APBB1IP: variants seen among roughly 807,000 people sequenced by gnomAD.
The protein encoded by APBB1IP is amyloid beta precursor protein binding family B member 1 interacting protein.
In APBB1IP, 27 loss-of-function variants were observed where a neutral mutation model predicts 64.9. The ratio of observed to expected loss-of-function variants is 0.42; its 90% confidence interval spans 0.31 to 0.57. The LOEUF is 0.57. APBB1IP is among the 20% of genes least tolerant of loss of function. The probability of loss-of-function intolerance (pLI) is 0.20; values close to 1 mark genes in which losing one functional copy is unlikely to be tolerated. For missense variants in APBB1IP, 812 were observed against 845.5 expected (o/e 0.96, Z 0.49); for synonymous variants, 392 against 331.0 (o/e 1.18, Z -2.00).
intron 2 of APBB1IP, among the ~76,000 whole-genome samples, chr10:26,464,429 C>T (rs3006833): frequency 0.24 from 37,156 of 152,068 alleles, 4,864 homozygotes; most frequent in East Asian, 0.49. Context: ...GAGACAAGGT[C>T]CCACTCTGTT....
At chr10:26,460,212 T>C (rs142830421) in intron 2 of APBB1IP, among the ~76,000 whole-genome samples, 3,793 of 152,344 alleles carry the variant, frequency 0.025, 74 homozygotes, top group Non-Finnish European at 0.04. Flanking sequence ...TTCTTAGGAA[T>C]AATTATCATA....
At chr10:26,543,940 G>A (rs891602409) in intron 11 of APBB1IP, among the ~76,000 whole-genome samples, 5 of 152,160 alleles carry the variant, frequency 3.3e-5, no homozygotes, top group Admixed American at 6.5e-5. Context: ...TCTGCTCCTC[G>A]CCCCTCCTTG....
In APBB1IP at chr10:26,547,945, A is replaced by T. The variant is rs77838829; in HGVS notation, c.1155+6253A>T. Among the ~76,000 whole-genome samples, 901 of 152,090 alleles carry T rather than the reference A, an allele frequency of 5.9e-3. 5 individuals are homozygous for T. The highest frequency in any genetic ancestry group is 9.1e-3 in the Non-Finnish European group (620 of 68,000). On this transcript the variant is annotated intron_variant, in intron 11 of 14. Transcript: ENST00000376236. ...TTTTGTGGGGGACACCTTTGTTGAA[A>T]ATCAGTTGGCTCTAAATGCATTGAT...
intron 8 of APBB1IP, among the ~76,000 whole-genome samples, chr10:26,531,894 T>A (rs940265423): frequency 6.6e-6 from 1 of 152,096 alleles, no homozygotes; most frequent in South Asian, 2.1e-4. Flanking sequence ...TGCAGTGAGC[T>A]ATGATCATGT....
At chr10:26,505,386 A>G (rs538919372) in intron 6 of APBB1IP, among the ~76,000 whole-genome samples, 36 of 152,146 alleles carry the variant, frequency 2.4e-4, no homozygotes, top group South Asian at 4.1e-4. Context: ...TCCACAGTCC[A>G]TCATTGGAAC....
chr10:26,470,396 G>A (rs777870906), intron 2 of APBB1IP, among the ~76,000 whole-genome samples: 27 of 151,988 alleles, frequency 1.8e-4, no homozygotes, highest in South Asian at 1.0e-3. Context: ...AAAATTAGCC[G>A]GATGTGGAGG....
intron 10 of APBB1IP, among the ~76,000 whole-genome samples, chr10:26,537,841 C>T (rs969444051): frequency 2.0e-5 from 3 of 149,052 alleles, no homozygotes; most frequent in South Asian, 2.1e-4. Context: ...GGGTGAGGCA[C>T]GGGAATCACT....
At chr10:26,560,079 A>AT in intron 11 of APBB1IP, 26 bp from the exon 12 acceptor site, 1 of 1,578,406 alleles carries the variant, frequency 6.3e-7, no homozygotes, top group Non-Finnish European at 8.7e-7. Context: ...AAGTGAATAC[A>AT]TTGTCTCGAA....
At position 26,496,310 on chromosome 10, in the gene APBB1IP, G is replaced by A. The variant is rs1336673543; in HGVS notation, c.79G>A (p.Gly27Arg). The change falls in exon 4 of 15, where the codon GGA becomes AGA. Residue 27 changes from glycine to arginine, a missense_variant. Gly to Arg is a moderately radical substitution (Grantham distance 125, BLOSUM62 -2). This residue lies in a region of APBB1IP where 394 missense variants were observed against 413.1 expected (regional missense o/e 0.95). Coordinates refer to ENST00000376236, the MANE Select transcript of APBB1IP (RefSeq NM_019043.4). Reference sequence around the variant, plus strand: ...GGGGGATCTTTTTTCACAGAGTTTAGGAGTTGACACTCTCCCTCCTCCTGA... The same window carrying A: ...GGGGGATCTTTTTTCACAGAGTTTAAGAGTTGACACTCTCCCTCCTCCTGA... Reference protein sequence around the residue: ...GEMDLLTQSLGVDTLPPPDPN... With the variant: ...GEMDLLTQSLRVDTLPPPDPN... The A allele has an allele frequency of 2.5e-6, 4 of 1,611,614 alleles. No individual in the cohort carries two copies. The highest frequency in any genetic ancestry group is 1.1e-5 in the South Asian group (1 of 90,980).
At position 26,461,138 on chromosome 10, in the gene APBB1IP, A is replaced by G. The variant is rs899446891; in HGVS notation, c.-1+22285A>G. 4.6e-5 allele frequency among the ~76,000 whole-genome samples: 7 copies of G among 152,082 alleles called. No homozygotes were observed. In the East Asian group the frequency reaches 1.3e-3, roughly 29 times the overall value. On this transcript the variant is annotated intron_variant, in intron 2 of 14. Coordinates refer to ENST00000376236, the MANE Select transcript of APBB1IP (RefSeq NM_019043.4). Reference sequence around the variant, plus strand: ...GCCAGTCAAAAGTATCTACCACAAAAGTATTATAAAACGAAGGAAGAGAGG... The same window carrying G: ...GCCAGTCAAAAGTATCTACCACAAAGGTATTATAAAACGAAGGAAGAGAGG...
At chr10:26,526,906 T>C (rs1836482336) in intron 8 of APBB1IP, among the ~76,000 whole-genome samples, 1 of 152,250 alleles carries the variant, frequency 6.6e-6, no homozygotes, top group African/African-American at 2.4e-5. Context: ...ATGATGATTA[T>C]ACTCTACTGG....
chr10:26,492,421 C>T (rs757508743), intron 3 of APBB1IP, 23 bp downstream of exon 3: 1 of 1,607,062 alleles, frequency 6.2e-7, no homozygotes, highest in East Asian at 2.2e-5. Context: ...TTTTAACTGG[C>T]AAATTGGAAA....
At chr10:26,467,667 G>C (rs912204122) in intron 2 of APBB1IP, among the ~76,000 whole-genome samples, 4 of 152,200 alleles carry the variant, frequency 2.6e-5, no homozygotes, top group Admixed American at 2.6e-4. Flanking sequence ...CTGCACTCCA[G>C]CCTGGACAAC....
At chr10:26,444,712 C>T (rs192889563) in intron 2 of APBB1IP, among the ~76,000 whole-genome samples, 8 of 152,118 alleles carry the variant, frequency 5.3e-5, no homozygotes, top group African/African-American at 1.4e-4. Context: ...AGCAGGGTAA[C>T]CATTTGGGAA....
chr10:26,567,656 A>C lies in APBB1IP; in HGVS notation c.*168A>C, dbSNP rs1170432229. ...AACCATTAACCCAGTAGAGTTCAGA[A>C]TATCTGCCCAAATGTACATATCGTT... On this transcript the variant is annotated 3_prime_UTR_variant, in exon 15 of 15. Transcript: ENST00000376236. 2 of 1,369,990 alleles carry C rather than the reference A, an allele frequency of 1.5e-6. No individual in the cohort carries two copies. The highest frequency in any genetic ancestry group is 7.5e-5 in the East Asian group (2 of 26,796). 84.9% of individuals were successfully genotyped at this position (1,369,990 alleles called of 1,614,324 possible).
intron 11 of APBB1IP, among the ~76,000 whole-genome samples, chr10:26,550,090 G>A (rs1430230140): frequency 2.0e-5 from 3 of 150,734 alleles, no homozygotes; most frequent in Admixed American, 2.0e-4. Context: ...CTCTTTCTTG[G>A]CCTGCAAGGT....
chr10:26,498,574 A>G (rs754095502), intron 4 of APBB1IP, among the ~76,000 whole-genome samples: 2 of 152,226 alleles, frequency 1.3e-5, no homozygotes, highest in African/African-American at 2.4e-5. Flanking sequence ...ATACTTGCAC[A>G]TATGAAAAAA....
intron 3 of APBB1IP, 43 bp downstream of exon 3, chr10:26,492,441 G>C: frequency 6.4e-7 from 1 of 1,570,578 alleles, no homozygotes; most frequent in Non-Finnish European, 8.8e-7. Flanking sequence ...AACAAAAATA[G>C]AGTTGCAGAA....
chr10:26,504,566 T>A (rs761130605), intron 6 of APBB1IP, among the ~76,000 whole-genome samples: 1 of 151,978 alleles, frequency 6.6e-6, no homozygotes, highest in South Asian at 2.1e-4. Flanking sequence ...AAAAATTAGC[T>A]GGACGCAGCG....
Sources: gnomAD v4.1 joint callset for allele counts (sites outside exome capture counted in the v4.1 genomes callset) on GRCh38, gnomAD v4.1.1 for gene constraint, gnomAD v4.1.1 regional missense constraint, MANE v1.5 for transcripts, NCBI Gene and HGNC (gene_info 2026-07-23, HGNC 2026-07-21) for gene names.